The following SCN7A variants were observed in gnomAD, a reference collection of about 807,000 sequenced individuals.
SCN7A encodes sodium voltage-gated channel alpha subunit 7, also known as sodium channel protein type 7 subunit alpha.
SCN7A carries 138 observed loss-of-function variants against 155.2 expected under a neutral mutation model. That is an observed-to-expected ratio of 0.89 (90% confidence interval 0.77 to 1.02). SCN7A has a LOEUF of 1.02. Among genes scored for constraint, SCN7A ranks in the 50% least tolerant of loss-of-function variants. The pLI, the probability that SCN7A is intolerant of heterozygous loss-of-function variation, is 0.00. For missense variants in SCN7A, 2,058 were observed against 1,986.6 expected, an observed-to-expected ratio of 1.04 and a Z score of -0.68; for synonymous variants, 693 against 649.0, an observed-to-expected ratio of 1.07 and a Z score of -1.03.
At chr2:166,426,066 T>C (rs1575015485) in intron 18 of SCN7A, among the ~76,000 whole-genome samples, 2 of 152,110 alleles carry the variant, frequency 1.3e-5, no homozygotes, top group East Asian at 3.9e-4. Context: ...GTTCTCTAGA[T>C]GCTTTAGAGA....
chr2:166,421,813 A>C (rs1045780641), intron 19 of SCN7A, among the ~76,000 whole-genome samples: 1 of 152,136 alleles, frequency 6.6e-6, no homozygotes, highest in Non-Finnish European at 1.5e-5. Flanking sequence ...ATTACAAAAA[A>C]GTATAACCAG....
Position 166,427,768 on chromosome 2 carries a change from C to T in SCN7A, c.2853+20G>A. 6.3e-7 allele frequency: 1 copy of T among 1,594,602 alleles called. No homozygotes were observed. The highest frequency in any genetic ancestry group is 2.2e-5 in the East Asian group (1 of 44,450). On this transcript the variant is annotated intron_variant, in intron 18 of 25. Coordinates refer to ENST00000643258, the MANE Select transcript of SCN7A (RefSeq NM_002976.4). Reference sequence around the variant, plus strand: ...CATTTGTCCCCAGCAAAGTATCAAACACCCTGGCTGCCCACTTACCAGAGT... The same window carrying T: ...CATTTGTCCCCAGCAAAGTATCAAATACCCTGGCTGCCCACTTACCAGAGT...
At position 166,413,127 on chromosome 2, in the gene SCN7A, A is replaced by G. The variant is rs376463172; in HGVS notation, c.3415-6T>C. ...ATCCATCCATTAAATGTTGCCTGTAAAAATAAAATGCATTTAAAATTTATG... is the reference window on the plus strand; with the variant it reads ...ATCCATCCATTAAATGTTGCCTGTAGAAATAAAATGCATTTAAAATTTATG... On this transcript the variant is annotated splice_region_variant and splice_polypyrimidine_tract_variant and intron_variant, in intron 21 of 25. Coordinates refer to ENST00000643258, the MANE Select transcript of SCN7A (RefSeq NM_002976.4). The G allele has an allele frequency of 1.7e-4, 255 of 1,489,352 alleles. No homozygotes were observed. Among genetic ancestry groups the G allele is most frequent in the Non-Finnish European group, 1.3e-4 (147 of 1,102,498 alleles). 92.3% of individuals were successfully genotyped at this position (1,489,352 alleles called of 1,614,324 possible). A position where few individuals can be genotyped will look rare whatever the true frequency, so the allele number is the denominator to read the frequency against.
chr2:166,435,485 T>C (rs1701820677), intron 15 of SCN7A, among the ~76,000 whole-genome samples: 1 of 152,130 alleles, frequency 6.6e-6, no homozygotes, highest in Non-Finnish European at 1.5e-5. Flanking sequence ...CTGAATTTTG[T>C]TTTCTTGCCC....
In SCN7A at chr2:166,444,769, C is replaced by T; in HGVS notation, c.1619G>A (p.Gly540Glu). ...SKQTNTLLNI[G>E]NLVFIGIFTA... ...GTACAATGAGAGTCTTACCAGGTTT[C>T]CAATGTTGAGAAGAGTGTTAGTTTG... Residue 540 changes from glycine (G) to glutamate (E), a missense_variant, in exon 13 of 26, where the codon GGA (glycine) becomes GAA (glutamate). Gly to Glu is a moderately conservative substitution (Grantham distance 98). Coordinates refer to ENST00000643258, the MANE Select transcript of SCN7A (RefSeq NM_002976.4). 1.3e-6 allele frequency: 2 copies of T among 1,552,644 alleles called. No individual in the cohort carries two copies. Among genetic ancestry groups the T allele is most frequent in the South Asian group, 1.2e-5 (1 of 86,086 alleles).
chr2:166,485,999 C>A (rs1003646090), intron 2 of SCN7A, among the ~76,000 whole-genome samples: 3 of 152,158 alleles, frequency 2.0e-5, no homozygotes, highest in Non-Finnish European at 4.4e-5. Flanking sequence ...CAGCGGAATA[C>A]AAAGGAGGCT....
intron 2 of SCN7A, among the ~76,000 whole-genome samples, chr2:166,484,169 ATGAC>A (rs1446169936): frequency 4.6e-5 from 7 of 151,992 alleles, no homozygotes; most frequent in Non-Finnish European, 7.4e-5. Flanking sequence ...TCTGGCTTGT[ATGAC>A]TGACTGTCAT....
chr2:166,477,988 A>AT (rs981756975), intron 2 of SCN7A, among the ~76,000 whole-genome samples: 1 of 151,866 alleles, frequency 6.6e-6, no homozygotes, highest in African/African-American at 2.4e-5. Context: ...TAAAAGAGAT[A>AT]TTTTTTAGAA....
In SCN7A at chr2:166,403,971, A is replaced by G. The variant is rs1049076488; in HGVS notation, c.*1609T>C. ...AAAAAACCCTGAAATCTGAAATTAC[A>G]TTTACTTAGGGCATCCCCTAAAGGC... On this transcript the variant is annotated 3_prime_UTR_variant, in exon 26 of 26. Transcript: ENST00000643258. 1.3e-5 allele frequency: 2 copies of G among 151,802 alleles called. No individual in the cohort carries two copies. The highest frequency in any genetic ancestry group is 1.5e-5 in the Non-Finnish European group (1 of 67,902). The allele number at this position is 151,802 out of a possible 1,614,324, so 9.4% of individuals were successfully genotyped here. A position where few individuals can be genotyped will look rare whatever the true frequency, so the allele number is the denominator to read the frequency against.
At chr2:166,480,891 T>A (rs1442874229) in intron 2 of SCN7A, among the ~76,000 whole-genome samples, 1 of 152,214 alleles carries the variant, frequency 6.6e-6, no homozygotes, top group Non-Finnish European at 1.5e-5. Flanking sequence ...CCATAAGCCT[T>A]GACTATTTAA....
At chr2:166,473,955 A>G in intron 4 of SCN7A, 67 bp from the exon 5 acceptor site, 1 of 823,528 alleles carries the variant, frequency 1.2e-6, no homozygotes, top group Non-Finnish European at 1.9e-6. Flanking sequence ...TATGATATAT[A>G]TTTCTTAAAT....
In SCN7A at chr2:166,428,073, A is replaced by C; in HGVS notation, c.2699-131T>G. 5.0e-6 allele frequency: 5 copies of C among 990,564 alleles called. No individual in the cohort carries two copies. The South Asian group carries it at 8.6e-5, about 17-fold the overall frequency. 61.4% of individuals were successfully genotyped at this position (990,564 alleles called of 1,614,324 possible). On this transcript the variant is annotated intron_variant, in intron 17 of 25. Transcript: ENST00000643258. ...TAATCCAGGTTGTCTCTGATTTATAAACATTTAATTTTTACCCATGGTGTA... is the reference window on the plus strand; with the variant it reads ...TAATCCAGGTTGTCTCTGATTTATACACATTTAATTTTTACCCATGGTGTA...
At position 166,465,947 on chromosome 2, in the gene SCN7A, C is replaced by T. The variant is rs758303649; in HGVS notation, c.705G>A (p.Lys235=). Residue 235 remains lysine (K), a synonymous_variant, in exon 8 of 26, where the codon AAG becomes AAA. Transcript: ENST00000643258. ...SLVGVLIHCL[K]QLIGVIILTL... The stretch of plus-strand genomic sequence containing the variant: ...TTAGGATAATGACACCAATAAGCTG[C>T]TTCAAGCAGTGGATCAGGACCCCTA... The T allele has an allele frequency of 5.0e-6, 8 of 1,613,192 alleles. No homozygotes were observed. Among genetic ancestry groups the T allele is most frequent in the African/African-American group, 1.3e-5 (1 of 74,896 alleles).
chr2:166,421,446 C>T (rs552371407), intron 19 of SCN7A, 149 bp from the exon 20 acceptor site: 5 of 432,784 alleles, frequency 1.2e-5, no homozygotes, highest in East Asian at 3.6e-5. Flanking sequence ...CTTCAAAATA[C>T]ATTAATAATC....
chr2:166,485,375 T>C (rs1703023501), intron 2 of SCN7A, among the ~76,000 whole-genome samples: 1 of 152,078 alleles, frequency 6.6e-6, no homozygotes, highest in Non-Finnish European at 1.5e-5. Context: ...AGCTTCAGAA[T>C]GAGAGTCAAC....
intron 1 of SCN7A, among the ~76,000 whole-genome samples, chr2:166,490,566 G>A (rs1005377471): frequency 6.6e-6 from 1 of 152,078 alleles, no homozygotes; most frequent in East Asian, 1.9e-4. Context: ...AGAAAATGTG[G>A]TATATATACA....
intron 2 of SCN7A, among the ~76,000 whole-genome samples, chr2:166,484,218 A>T (rs1370914801): frequency 2.0e-5 from 3 of 151,966 alleles, no homozygotes; most frequent in African/African-American, 7.2e-5. Context: ...GGAAAGCATC[A>T]GCTTAGAAAT....
At chr2:166,455,357 C>T (rs952083636) in intron 11 of SCN7A, among the ~76,000 whole-genome samples, 17 of 150,310 alleles carry the variant, frequency 1.1e-4, no homozygotes, top group African/African-American at 4.2e-4. Context: ...TTTTAAGAAG[C>T]ATTAGAAAAA....
intron 13 of SCN7A, among the ~76,000 whole-genome samples, chr2:166,444,137 C>T (rs1315393108): frequency 6.6e-6 from 1 of 152,128 alleles, no homozygotes; most frequent in Non-Finnish European, 1.5e-5. Context: ...AGCAGTTTGG[C>T]TGTTTTTATT....
Sources: gnomAD v4.1 joint callset for allele counts (sites outside exome capture counted in the v4.1 genomes callset) on GRCh38, gnomAD v4.1.1 for gene constraint, MANE v1.5 for transcripts, NCBI Gene and HGNC (gene_info 2026-07-23, HGNC 2026-07-21) for gene names.